LAMC2: variants seen among roughly 807,000 people sequenced by gnomAD.
LAMC2 encodes laminin subunit gamma-2.
A neutral mutation model predicts 140.2 loss-of-function variants in LAMC2; 97 were observed. The observed-to-expected ratio is 0.69, with a 90% CI of 0.59 to 0.82. LAMC2 has a LOEUF of 0.82. Ranked by LOEUF, LAMC2 falls within the 40% of genes least tolerant of loss-of-function variation. LAMC2 has a pLI of 0.00. For synonymous variants in LAMC2, 513 were observed against 540.2 expected (o/e 0.95, Z 0.70); for missense variants, 1,402 against 1,476.1 (o/e 0.95, Z 0.82).
At chr1:183,198,297 A>T (rs1658589530) in intron 1 of LAMC2, among the ~76,000 whole-genome samples, 1 of 151,856 alleles carries the variant, frequency 6.6e-6, no homozygotes, top group Admixed American at 6.6e-5. Context: ...GCCTGCCACC[A>T]CACCCGGCTA....
rs115350420 is a variant in LAMC2 at position 183,241,510 on chromosome 1, G to A, written c.3328+1119G>A. On this transcript the variant is annotated intron_variant, in intron 22 of 22. Transcript: ENST00000264144. ...TTGGTTAAATTTCTGGATTTAGGTA[G>A]AGCTGATATCAAACCCTCATTTGGT... Among the ~76,000 whole-genome samples, 435 of 152,318 alleles carry A rather than the reference G, an allele frequency of 2.9e-3. 7 individuals are homozygous for A. The highest frequency in any genetic ancestry group is 9.0e-3 in the African/African-American group (373 of 41,574).
the LAMC2 span, chr1:183,252,592 G>A: frequency 8.0e-7 from 1 of 1,249,326 alleles, no homozygotes; most frequent in South Asian, 1.2e-5. Flanking sequence ...AGAAACAGGG[G>A]GCTGACAAAG....
the LAMC2 span, among the ~76,000 whole-genome samples, chr1:183,254,761 A>G: frequency 6.6e-6 from 1 of 152,196 alleles, no homozygotes; most frequent in South Asian, 2.1e-4. Context: ...TTAGTTGAGT[A>G]ATATGTTTTC....
intron 16 of LAMC2, among the ~76,000 whole-genome samples, 173 bp downstream of exon 16, chr1:183,235,903 C>G (rs956807700): frequency 6.6e-6 from 1 of 151,834 alleles, no homozygotes; most frequent in Admixed American, 6.6e-5. Flanking sequence ...ATTTTTAAGA[C>G]TGGAAGAAAA....
intron 1 of LAMC2, 30 bp from the exon 2 acceptor site, chr1:183,207,851 G>A (rs200256534): frequency 2.3e-4 from 148 of 644,512 alleles, no homozygotes; most frequent in Non-Finnish European, 3.0e-4. Flanking sequence ...TTTTTTTTTT[G>A]ACGATCTCTT....
chr1:183,222,308 T>C (rs543214614), intron 6 of LAMC2, 97 bp downstream of exon 6: 187 of 1,400,406 alleles, frequency 1.3e-4, no homozygotes, highest in Middle Eastern at 5.5e-4. Flanking sequence ...CCATATAACT[T>C]TGGGTTCAGG....
chr1:183,197,102 T>C (rs1298864061), intron 1 of LAMC2, among the ~76,000 whole-genome samples: 1 of 152,006 alleles, frequency 6.6e-6, no homozygotes, highest in Non-Finnish European at 1.5e-5. Context: ...GATTGCTGAG[T>C]GGAGGGAAGC....
intron 6 of LAMC2, among the ~76,000 whole-genome samples, chr1:183,222,474 C>T (rs1351372385): frequency 6.6e-6 from 1 of 152,048 alleles, no homozygotes; most frequent in Non-Finnish European, 1.5e-5. Context: ...GAAGTTTCTA[C>T]GTTTACCACC....
chr1:183,223,175 C>A lies in LAMC2; in HGVS notation c.804C>A (p.Ser268Arg), dbSNP rs1483034513. The A allele has an allele frequency of 2.5e-6, 4 of 1,614,022 alleles. No homozygotes were observed. The highest frequency in any genetic ancestry group is 3.4e-6 in the Non-Finnish European group (4 of 1,180,028). ...ATCAACAGGTGAGCTATGGTCAAAG[C>A]CTGTCCTTTGACTACCGTGTGGACA... ...LGNQQVSYGQ[S>R]LSFDYRVDRG... The change falls in exon 7 of 23, where the codon AGC becomes AGA. Residue 268 changes from serine to arginine, a missense_variant. Physicochemically the swap from Ser to Arg is moderately radical, Grantham distance 110. Transcript: ENST00000264144.
the LAMC2 span, among the ~76,000 whole-genome samples, chr1:183,258,802 C>T: frequency 1.3e-5 from 2 of 152,082 alleles, no homozygotes; most frequent in Admixed American, 1.3e-4. Flanking sequence ...CACCCAGGAA[C>T]TGACTCAGTG....
chr1:183,243,185 C>T lies in LAMC2; in HGVS notation c.3367C>T (p.Leu1123=), dbSNP rs587281. Residue 1123 remains leucine (L), a synonymous_variant, in exon 23 of 23, where the codon CTG becomes TTG. Coordinates refer to ENST00000264144, the MANE Select transcript of LAMC2 (RefSeq NM_005562.3). ...TGTAGATGAAGAGGGGCTGGTCTTA[C>T]TGGAGCAGAAGCTTTCCCGAGCCAA... ...LSVDEEGLVL[L]EQKLSRAKTQ... 11,483 of 1,582,926 alleles carry T rather than the reference C, an allele frequency of 7.3e-3. 619 individuals are homozygous for T. In the African/African-American group the frequency reaches 0.14, roughly 19 times the overall value.
At position 183,221,839 on chromosome 1, in the gene LAMC2, C is replaced by T. The variant is rs150783306; in HGVS notation, c.641-250C>T. On this transcript the variant is annotated intron_variant, in intron 5 of 22. Coordinates refer to ENST00000264144, the MANE Select transcript of LAMC2 (RefSeq NM_005562.3). ...ATGCAAATTACAGGCAGAAGAAAAC[C>T]TGCTATCTTATCACGAGTCAGACTC... Among the ~76,000 whole-genome samples, 638 of 152,180 alleles carry T rather than the reference C, an allele frequency of 4.2e-3. 3 individuals are homozygous for T. Among genetic ancestry groups the T allele is most frequent in the African/African-American group, 0.015 (614 of 41,518 alleles).
rs139718245 is a variant in LAMC2, at chr1:183,235,661, C to T, written c.2387C>T (p.Ala796Val). ...SKQALSLVRK[A>V]LHEGVGSGSG... ...CAAGCCCTCTCACTGGTGCGCAAGG[C>T]CCTGCATGAAGGAGTCGGAAGCGGA... The change falls in exon 16 of 23, where the codon GCC becomes GTC. Residue 796 changes from alanine to valine, a missense_variant. Physicochemically the swap from Ala to Val is moderately conservative, Grantham distance 64. Transcript: ENST00000264144. The T allele has an allele frequency of 1.2e-3, 1,908 of 1,614,230 alleles. 2 individuals are homozygous for T. The highest frequency in any genetic ancestry group is 1.9e-3 in the Admixed American group (112 of 60,036).
At position 183,215,524 on chromosome 1, in the gene LAMC2, G is replaced by A. The variant is rs372609986; in HGVS notation, c.340G>A (p.Asp114Asn). 1.9e-5 allele frequency: 30 copies of A among 1,614,036 alleles called. 1 individual carries two copies. In the African/African-American group the frequency reaches 2.9e-4, roughly 16 times the overall value. The change falls in exon 3 of 23, where the codon GAC becomes AAC. Residue 114 changes from aspartate (D) to asparagine (N), a missense_variant. Around this residue, in one of 3 missense-constraint regions of LAMC2, gnomAD observed 723 missense variants for 783.3 expected, o/e 0.92. Coordinates refer to ENST00000264144, the MANE Select transcript of LAMC2 (RefSeq NM_005562.3). ...ACCAGGTGTGACAGGAGCCAGATGC[G>A]ACCGATGTCTGCCAGGCTTCCACAT... ...CKPGVTGARC[D>N]RCLPGFHMLT...
At chr1:183,243,108 G>C in intron 22 of LAMC2, 39 bp from the exon 23 acceptor site, 1 of 1,613,038 alleles carries the variant, frequency 6.2e-7, no homozygotes. Flanking sequence ...TCTAACTACA[G>C]CTTTTCTATG....
chr1:183,198,825 G>T (rs1658608964), intron 1 of LAMC2, among the ~76,000 whole-genome samples: 1 of 152,186 alleles, frequency 6.6e-6, no homozygotes, highest in Admixed American at 6.5e-5. Context: ...ACCACAGATG[G>T]GTGGGCAGTC....
the LAMC2 span, chr1:183,250,809 G>A: frequency 6.6e-6 from 1 of 152,580 alleles, no homozygotes; most frequent in Non-Finnish European, 1.5e-5. Flanking sequence ...GCTCTACCAT[G>A]TTCTTCTGTT....
At chr1:183,213,995 G>A (rs1036505711) in intron 2 of LAMC2, among the ~76,000 whole-genome samples, 2 of 151,792 alleles carry the variant, frequency 1.3e-5, no homozygotes, top group African/African-American at 2.4e-5. Context: ...AACCCGGAAG[G>A]TGGAGGTTGC....
intron 2 of LAMC2, among the ~76,000 whole-genome samples, chr1:183,213,715 G>A (rs1235486424): frequency 7.3e-6 from 1 of 137,118 alleles, no homozygotes; most frequent in African/African-American, 2.8e-5. Flanking sequence ...TAGGGGAATC[G>A]CTTGAACCAG....
Sources: allele counts gnomAD v4.1 joint callset (sites outside exome capture counted in the v4.1 genomes callset), GRCh38; gene constraint gnomAD v4.1.1; regional missense constraint gnomAD v4.1.1; transcripts MANE v1.5; gene names NCBI Gene and HGNC (gene_info 2026-07-23, HGNC 2026-07-21).